The following CCN4 variants were observed in gnomAD, a reference collection of about 807,000 sequenced individuals.
The protein encoded by CCN4 is cellular communication network factor 4, also known as CCN family member 4.
CCN4 carries 30 observed loss-of-function variants against 36.7 expected under a neutral mutation model. That is an observed-to-expected ratio of 0.82 (90% CI 0.61 to 1.11). The LOEUF (loss-of-function observed/expected upper bound fraction) is 1.11. CCN4 is among the 50% of genes least tolerant of loss of function. The pLI is 0.00. For missense variants in CCN4, 505 were observed against 504.9 expected (o/e 1.00, Z 0.00); for synonymous variants, 191 against 195.4 (o/e 0.98, Z 0.19).
intron 4 of CCN4, among the ~76,000 whole-genome samples, chr8:133,226,590 C>T (rs1854745130): frequency 6.6e-6 from 1 of 152,202 alleles, no homozygotes; most frequent in South Asian, 2.1e-4. Context: ...GGAAAAGGTA[C>T]CAGCTGCAGA....
chr8:133,194,492 TG>T (rs1853257674), intron 1 of CCN4, among the ~76,000 whole-genome samples: 3 of 53,040 alleles, frequency 5.7e-5, no homozygotes, highest in East Asian at 6.4e-4. Context: ...GTGGGGGGTG[TG>T]GTGTGTGTGG....
chr8:133,207,205 A>G (rs1279875115), intron 1 of CCN4, among the ~76,000 whole-genome samples: 1 of 152,258 alleles, frequency 6.6e-6, no homozygotes. Flanking sequence ...CTCACTCTTC[A>G]GCAATGAGCA....
At chr8:133,191,540 G>A (rs1396613122) in intron 1 of CCN4, among the ~76,000 whole-genome samples, 2 of 152,156 alleles carry the variant, frequency 1.3e-5, no homozygotes, top group Non-Finnish European at 2.9e-5. Flanking sequence ...ACCCGTCTTC[G>A]CCTAACCTGG....
chr8:133,195,187 GGT>G (rs1406539532), intron 1 of CCN4, among the ~76,000 whole-genome samples: 5 of 137,514 alleles, frequency 3.6e-5, no homozygotes, highest in Admixed American at 7.3e-5. Context: ...TTGTGTATGT[GGT>G]GTGTGTGTGG....
In CCN4 at chr8:133,229,170, G is replaced by A. The variant is rs1265334192; in HGVS notation, c.*1460G>A. 1 of 152,170 alleles carries A rather than the reference G, an allele frequency of 6.6e-6. No homozygotes were observed. Among genetic ancestry groups the A allele is most frequent in the Non-Finnish European group, 1.5e-5 (1 of 68,038 alleles). The allele number at this position is 152,170 out of a possible 1,614,324, so 9.4% of individuals were successfully genotyped here. A position where few individuals can be genotyped will look rare whatever the true frequency, so the allele number is the denominator to read the frequency against. On this transcript the variant is annotated 3_prime_UTR_variant, in exon 5 of 5. Coordinates refer to ENST00000250160, the MANE Select transcript of CCN4 (RefSeq NM_003882.4). ...AAATGTGAAACGGAAGCTCATAGAG[G>A]TGAGAAAACTCAACCAGAGTCACCC... is the stretch of plus-strand genomic sequence containing the variant.
In CCN4 at chr8:133,213,061, G is replaced by A. The variant is rs570437766; in HGVS notation, c.267G>A (p.Glu89=). The A allele has an allele frequency of 2.4e-5, 39 of 1,614,120 alleles. 1 individual carries two copies. In the South Asian group the frequency reaches 4.1e-4, roughly 17 times the overall value. Residue 89 remains glutamate (E), a synonymous_variant, in exon 2 of 5, where the codon GAG becomes GAA. Coordinates refer to ENST00000250160, the MANE Select transcript of CCN4 (RefSeq NM_003882.4). ...AGCAGCTTGGGGACAACTGCACGGAGGCTGCCATCTGTGACCCCCACCGGG... is the reference window on the plus strand; with the variant it reads ...AGCAGCTTGGGGACAACTGCACGGAAGCTGCCATCTGTGACCCCCACCGGG... ...CAQQLGDNCT[E]AAICDPHRGL... is the part of the protein sequence containing the mutation.
At chr8:133,213,867 T>A (rs1053236764) in intron 2 of CCN4, among the ~76,000 whole-genome samples, 1 of 121,276 alleles carries the variant, frequency 8.2e-6, no homozygotes, top group African/African-American at 3.0e-5. Context: ...AGTAGTTAAA[T>A]ATACTATACA....
chr8:133,194,429 GGTA>G (rs1853244702), intron 1 of CCN4, among the ~76,000 whole-genome samples: 3 of 95,650 alleles, frequency 3.1e-5, no homozygotes, highest in Non-Finnish European at 4.1e-5. Context: ...GTGTGTGTGT[GGTA>G]TGTGTGTGTG....
rs927480242 is a variant in CCN4, at chr8:133,231,278, A to T, written c.*3568A>T. 5 of 152,152 alleles carry T rather than the reference A, an allele frequency of 3.3e-5. No individual in the cohort carries two copies. Among genetic ancestry groups the T allele is most frequent in the Admixed American group, 2.0e-4 (3 of 15,270 alleles). 9.4% of individuals were successfully genotyped at this position (152,152 alleles called of 1,614,324 possible). A position where few individuals can be genotyped will look rare whatever the true frequency, so the allele number is the denominator to read the frequency against. ...AGCAGTCACAATGATAACCCTGCATATCTGGGAATCATAAGTCAACTATGT... is the reference window on the plus strand; with the variant it reads ...AGCAGTCACAATGATAACCCTGCATTTCTGGGAATCATAAGTCAACTATGT... On this transcript the variant is annotated 3_prime_UTR_variant, in exon 5 of 5. Transcript: ENST00000250160.
intron 4 of CCN4, among the ~76,000 whole-genome samples, chr8:133,227,084 G>C (rs1160995282): frequency 6.6e-6 from 1 of 152,180 alleles, no homozygotes; most frequent in Non-Finnish European, 1.5e-5. Flanking sequence ...TTGGATGAAG[G>C]AGCTACATAG....
intron 4 of CCN4, among the ~76,000 whole-genome samples, chr8:133,226,234 T>C (rs908631842): frequency 2.0e-5 from 3 of 152,228 alleles, no homozygotes; most frequent in Non-Finnish European, 4.4e-5. Flanking sequence ...GTCAGCCTTT[T>C]GTCACAGGAA....
At chr8:133,217,936 C>CCACACACACACACGCACACACACACACA (rs56318195) in intron 2 of CCN4, among the ~76,000 whole-genome samples, 45 of 144,522 alleles carry the variant, frequency 3.1e-4, no homozygotes, top group Non-Finnish European at 4.3e-4. Context: ...ACTCCCTTCT[C>CCACACACACACACGCACACACACACACA]CACACACACA....
intron 1 of CCN4, among the ~76,000 whole-genome samples, chr8:133,209,848 T>C (rs1010695070): frequency 6.6e-6 from 1 of 152,186 alleles, no homozygotes; most frequent in African/African-American, 2.4e-5. Flanking sequence ...ACAATGCCCC[T>C]TCACCCTTCC....
At position 133,231,308 on chromosome 8, in the gene CCN4, C is replaced by G. The variant is rs1854955442; in HGVS notation, c.*3598C>G. The G allele has an allele frequency of 2.0e-5, 3 of 152,074 alleles. No individual in the cohort carries two copies. Among genetic ancestry groups the G allele is most frequent in the Non-Finnish European group, 2.9e-5 (2 of 68,014 alleles). The allele number at this position is 152,074 out of a possible 1,614,324, so 9.4% of individuals were successfully genotyped here. A position where few individuals can be genotyped will look rare whatever the true frequency, so the allele number is the denominator to read the frequency against. The stretch of plus-strand genomic sequence containing the variant: ...GGAATCATAAGTCAACTATGTATCC[C>G]TGTGTGTGTATATATATGTATGTAT... On this transcript the variant is annotated 3_prime_UTR_variant, in exon 5 of 5. Coordinates refer to ENST00000250160, the MANE Select transcript of CCN4 (RefSeq NM_003882.4).
At chr8:133,193,530 G>T (rs1853190426) in intron 1 of CCN4, among the ~76,000 whole-genome samples, 1 of 152,194 alleles carries the variant, frequency 6.6e-6, no homozygotes, top group African/African-American at 2.4e-5. Context: ...CATTTGTTGA[G>T]CATGTCCGCC....
At position 133,227,878 on chromosome 8, in the gene CCN4, C is replaced by T. The variant is rs531712361; in HGVS notation, c.*168C>T. The T allele has an allele frequency of 7.0e-5, 52 of 740,458 alleles. No homozygotes were observed. In the East Asian group the frequency reaches 1.3e-3, roughly 19 times the overall value. 45.9% of individuals were successfully genotyped at this position (740,458 alleles called of 1,614,324 possible). On this transcript the variant is annotated 3_prime_UTR_variant, in exon 5 of 5. Transcript: ENST00000250160. The stretch of plus-strand genomic sequence containing the variant: ...GACGCCTGATGGTGCTGCTCAGGCC[C>T]ATGCTATGAGTTTTCTCCTTGATAT...
chr8:133,210,931 T>C (rs1854001642), intron 1 of CCN4, among the ~76,000 whole-genome samples: 2 of 152,166 alleles, frequency 1.3e-5, no homozygotes, highest in South Asian at 4.1e-4. Flanking sequence ...GCAGCGGCCT[T>C]GAGGTAGGGA....
At chr8:133,218,492 T>C in intron 2 of CCN4, among the ~76,000 whole-genome samples, 1 of 152,340 alleles carries the variant, frequency 6.6e-6, no homozygotes, top group African/African-American at 2.4e-5. Context: ...TGATAGTGTT[T>C]CTGTACAGAA....
intron 1 of CCN4, among the ~76,000 whole-genome samples, chr8:133,192,175 T>C (rs974919850): frequency 6.6e-6 from 1 of 152,156 alleles, no homozygotes; most frequent in South Asian, 2.1e-4. Flanking sequence ...CAAATGACAC[T>C]GATGGCTTCC....
Sources: allele counts gnomAD v4.1 joint callset (sites outside exome capture counted in the v4.1 genomes callset), GRCh38; gene constraint gnomAD v4.1.1; transcripts MANE v1.5; gene names NCBI Gene and HGNC (gene_info 2026-07-23, HGNC 2026-07-21).